CSMD1: variants seen among roughly 807,000 people sequenced by gnomAD.
The protein encoded by CSMD1 is CUB and sushi domain-containing protein 1.
In CSMD1, 213 loss-of-function variants were observed where a neutral mutation model predicts 417.5. That is an observed-to-expected ratio of 0.51 (90% confidence interval 0.46 to 0.57). The LOEUF (loss-of-function observed/expected upper bound fraction) is 0.57, where lower values mean the gene tolerates loss of function less well. Ranked by LOEUF, CSMD1 falls within the 20% of genes least tolerant of loss-of-function variation. The pLI is 0.00. For synonymous variants in CSMD1, 2,862 were observed against 1,736.8 expected, an observed-to-expected ratio of 1.65 and a Z score of -16.11; for missense variants, 6,923 against 4,529.7, an observed-to-expected ratio of 1.53 and a Z score of -15.17.
rs543817211 is a variant in CSMD1, at chr8:4,483,425, A to G, written c.303-63360T>C. The stretch of plus-strand genomic sequence containing the variant: ...TAGCTAATTACATCTAAAGATAAAA[A>G]CAAGTCATTACCATTTAGAAAACCC... On this transcript the variant is annotated intron_variant, in intron 2 of 69. Coordinates refer to ENST00000635120, the MANE Select transcript of CSMD1 (RefSeq NM_033225.6). Among the ~76,000 whole-genome samples, 6 of 152,346 alleles carry G rather than the reference A, an allele frequency of 3.9e-5. No individual in the cohort carries two copies. In the South Asian group the frequency reaches 1.2e-3, roughly 32 times the overall value.
intron 11 of CSMD1, among the ~76,000 whole-genome samples, chr8:3,488,885 A>G (rs1008197918): frequency 6.6e-6 from 1 of 152,164 alleles, no homozygotes; most frequent in African/African-American, 2.4e-5. Flanking sequence ...TAAGAATCTT[A>G]TTTCTATTTG....
chr8:3,209,961 C>A (rs951704724), intron 30 of CSMD1, among the ~76,000 whole-genome samples: 1 of 152,160 alleles, frequency 6.6e-6, no homozygotes, highest in African/African-American at 2.4e-5. Flanking sequence ...AACTTTGCTT[C>A]AATTTCAGTT....
At chr8:4,372,096 ATC>A (rs1420535365) in intron 3 of CSMD1, among the ~76,000 whole-genome samples, 4 of 152,218 alleles carry the variant, frequency 2.6e-5, no homozygotes, top group African/African-American at 9.7e-5. Flanking sequence ...AGCCCTTTCT[ATC>A]TCAGTGCAAA....
chr8:3,424,309 T>C (rs1388746692), intron 12 of CSMD1, among the ~76,000 whole-genome samples: 1 of 152,222 alleles, frequency 6.6e-6, no homozygotes, highest in Non-Finnish European at 1.5e-5. Context: ...TCTATTAATT[T>C]TGAGTACAAT....
At chr8:4,204,358 C>A (rs1799851966) in intron 3 of CSMD1, among the ~76,000 whole-genome samples, 4 of 151,826 alleles carry the variant, frequency 2.6e-5, no homozygotes, top group African/African-American at 9.7e-5. Flanking sequence ...TCTAGGTGAG[C>A]AAACTGACAA....
At chr8:4,299,782 C>A (rs148221160) in intron 3 of CSMD1, among the ~76,000 whole-genome samples, 151 of 152,106 alleles carry the variant, frequency 9.9e-4, no homozygotes, top group African/African-American at 3.2e-3. Context: ...AGGTACGTGC[C>A]ACCACGCCCG....
At chr8:4,485,035 G>A (rs1420316691) in intron 2 of CSMD1, among the ~76,000 whole-genome samples, 1 of 126,804 alleles carries the variant, frequency 7.9e-6, no homozygotes, top group Non-Finnish European at 1.6e-5. Context: ...GAGTCACTAT[G>A]ACATATGGCT....
chr8:4,235,183 C>G (rs924896602), intron 3 of CSMD1, among the ~76,000 whole-genome samples: 3 of 152,158 alleles, frequency 2.0e-5, no homozygotes, highest in South Asian at 4.1e-4. Context: ...TCAGAGGCAT[C>G]TCTCTCCTGT....
chr8:3,539,638 C>G (rs183739141), intron 10 of CSMD1, among the ~76,000 whole-genome samples: 2 of 152,244 alleles, frequency 1.3e-5, no homozygotes, highest in Admixed American at 1.3e-4. Context: ...GGCTCCCTCC[C>G]CCATCCCTCA....
intron 3 of CSMD1, among the ~76,000 whole-genome samples, chr8:4,070,020 T>G (rs1799462923): frequency 1.3e-5 from 2 of 152,138 alleles, no homozygotes; most frequent in Non-Finnish European, 2.9e-5. Context: ...TCTTAAGAAT[T>G]TTTTTTAATT....
At chr8:4,745,460 T>C (rs998358627) in intron 1 of CSMD1, among the ~76,000 whole-genome samples, 1 of 152,208 alleles carries the variant, frequency 6.6e-6, no homozygotes, top group Non-Finnish European at 1.5e-5. Context: ...CTCTCTTAGA[T>C]ACTATTTAAC....
At chr8:4,611,546 G>C (rs150988679) in intron 2 of CSMD1, among the ~76,000 whole-genome samples, 1 of 152,170 alleles carries the variant, frequency 6.6e-6, no homozygotes, top group Non-Finnish European at 1.5e-5. Context: ...TATATGTATT[G>C]CCAAATTGCC....
At chr8:4,628,312 T>C (rs1802242869) in intron 2 of CSMD1, among the ~76,000 whole-genome samples, 1 of 150,950 alleles carries the variant, frequency 6.6e-6, no homozygotes, top group Admixed American at 6.6e-5. Flanking sequence ...CTTTTGAGTA[T>C]TAAGTTTTAG....
chr8:4,800,562 G>C (rs1328421793), intron 1 of CSMD1, among the ~76,000 whole-genome samples: 1 of 152,092 alleles, frequency 6.6e-6, no homozygotes, highest in East Asian at 1.9e-4. Flanking sequence ...TTCTGATAAA[G>C]ACCTCAGACC....
intron 5 of CSMD1, among the ~76,000 whole-genome samples, chr8:3,965,911 C>A (rs554768059): frequency 6.6e-6 from 1 of 152,198 alleles, no homozygotes; most frequent in Non-Finnish European, 1.5e-5. Context: ...GCCACCATGC[C>A]CGGCCAATGG....
At chr8:4,180,918 A>C (rs1489321966) in intron 3 of CSMD1, among the ~76,000 whole-genome samples, 1 of 152,156 alleles carries the variant, frequency 6.6e-6, no homozygotes, top group Non-Finnish European at 1.5e-5. Context: ...CTAAATTTTC[A>C]AGGTGCCAAA....
At position 4,723,785 on chromosome 8, in the gene CSMD1, T is replaced by TG. The variant is rs1260053637; in HGVS notation, c.86-86228dup. 1.4e-3 allele frequency among the ~76,000 whole-genome samples: 36 copies of TG among 26,088 alleles called. 1 individual carries two copies. The East Asian group carries it at 0.024, about 18-fold the overall frequency. The allele number at this position is 26,088 out of a possible 152,430, so 17.1% of individuals were successfully genotyped here. ...AATGTAAATGCAATATGCTTTCGAATGTAAAAAAAAAAAAACAAAAAAAAA... is the reference window on the plus strand; with the variant it reads ...AATGTAAATGCAATATGCTTTCGAATGGTAAAAAAAAAAAAACAAAAAAAAA... On this transcript the variant is annotated intron_variant, in intron 1 of 69. Transcript: ENST00000635120.
chr8:3,263,163 A>C (rs149475526), intron 26 of CSMD1, among the ~76,000 whole-genome samples: 2 of 152,154 alleles, frequency 1.3e-5, no homozygotes, highest in Non-Finnish European at 2.9e-5. Flanking sequence ...CAGTGGCATG[A>C]TCGCAGCTCA....
intron 1 of CSMD1, among the ~76,000 whole-genome samples, chr8:4,815,773 T>C (rs1799172591): frequency 6.6e-6 from 1 of 151,246 alleles, no homozygotes; most frequent in Non-Finnish European, 1.5e-5. Context: ...AATAAACACA[T>C]TTTACAGATA....
Sources: allele counts gnomAD v4.1 joint callset (sites outside exome capture counted in the v4.1 genomes callset), GRCh38; gene constraint gnomAD v4.1.1; transcripts MANE v1.5; gene names NCBI Gene and HGNC (gene_info 2026-07-23, HGNC 2026-07-21).